Variants in GALNTL6 observed in about 807,000 individuals in gnomAD.
The protein encoded by GALNTL6 is polypeptide N-acetylgalactosaminyltransferase like 6, also known as polypeptide N-acetylgalactosaminyltransferase-like 6.
A neutral mutation model predicts 73.7 loss-of-function variants in GALNTL6; 46 were observed. The ratio of observed to expected loss-of-function variants is 0.62; its 90% CI spans 0.49 to 0.80. The LOEUF (loss-of-function observed/expected upper bound fraction) is 0.80. GALNTL6 is among the 30% of genes least tolerant of loss of function. GALNTL6 has a pLI of 0.00. For synonymous variants in GALNTL6, 259 were observed against 263.7 expected (o/e 0.98, Z 0.17); for missense variants, 604 against 755.0 (o/e 0.80, Z 2.34).
rs150155298 is a variant in GALNTL6 at position 171,949,297 on chromosome 4, A to G, written c.138+134579A>G. ...TTACATAGCAATAACAAGCAAATGT[A>G]TCTTTTTTACCTGGGCTCTTTCTTG... On this transcript the variant is annotated intron_variant, in intron 2 of 12. Coordinates refer to ENST00000506823, the MANE Select transcript of GALNTL6 (RefSeq NM_001034845.3). Among the ~76,000 whole-genome samples the G allele has an allele frequency of 3.9e-4, 59 of 152,318 alleles. No individual in the cohort carries two copies. In the Middle Eastern group the frequency reaches 0.024, roughly 61 times the overall value.
chr4:172,878,263 G>A (rs981553275), intron 7 of GALNTL6, among the ~76,000 whole-genome samples: 11 of 151,780 alleles, frequency 7.2e-5, no homozygotes, highest in African/African-American at 2.7e-4. Flanking sequence ...ACTCAGTTGT[G>A]CATAATACAT....
chr4:172,755,237 T>TATAGATAGATAG (rs58940503), intron 5 of GALNTL6, among the ~76,000 whole-genome samples: 78,712 of 145,328 alleles, frequency 0.54, 21,761 homozygotes, highest in Admixed American at 0.61. Flanking sequence ...AAATGACAGA[T>TATAGATAGATAG]ATAGATAGAT....
At chr4:171,842,349 T>C (rs1331735448) in intron 2 of GALNTL6, among the ~76,000 whole-genome samples, 1 of 152,144 alleles carries the variant, frequency 6.6e-6, no homozygotes, top group African/African-American at 2.4e-5. Flanking sequence ...AAAGATGCAA[T>C]TATACACTTT....
chr4:172,756,361 G>A (rs1414104434), intron 5 of GALNTL6, among the ~76,000 whole-genome samples: 1 of 152,130 alleles, frequency 6.6e-6, no homozygotes, highest in Non-Finnish European at 1.5e-5. Context: ...AATAAGATGG[G>A]GGCTGGGCGC....
intron 5 of GALNTL6, among the ~76,000 whole-genome samples, chr4:172,807,911 C>A (rs1741061532): frequency 6.6e-6 from 1 of 152,192 alleles, no homozygotes; most frequent in African/African-American, 2.4e-5. Context: ...CAACCTCCAC[C>A]TCCCGGGTTC....
intron 5 of GALNTL6, among the ~76,000 whole-genome samples, chr4:172,713,518 A>T (rs1267751930): frequency 1.3e-5 from 2 of 152,116 alleles, no homozygotes; most frequent in African/African-American, 4.8e-5. Flanking sequence ...CTTTACTCAA[A>T]GGCCACTGAT....
At chr4:172,142,074 G>A (rs971450451) in intron 2 of GALNTL6, among the ~76,000 whole-genome samples, 1 of 151,950 alleles carries the variant, frequency 6.6e-6, no homozygotes, top group African/African-American at 2.4e-5. Context: ...AAACTAGAAA[G>A]ATGGATTTTC....
intron 2 of GALNTL6, among the ~76,000 whole-genome samples, chr4:172,063,843 C>T (rs1218108815): frequency 1.3e-5 from 2 of 152,076 alleles, no homozygotes; most frequent in South Asian, 2.1e-4. Context: ...AAAATGCACA[C>T]GATAATGTTC....
chr4:172,717,417 G>A (rs1436812037), intron 5 of GALNTL6, among the ~76,000 whole-genome samples: 1 of 152,198 alleles, frequency 6.6e-6, no homozygotes, highest in Non-Finnish European at 1.5e-5. Flanking sequence ...AGTGGTCAAT[G>A]TGCTAACGCA....
chr4:171,880,769 G>C (rs1035562936), intron 2 of GALNTL6, among the ~76,000 whole-genome samples: 8 of 151,962 alleles, frequency 5.3e-5, no homozygotes, highest in Admixed American at 4.6e-4. Context: ...AAAATGGAGA[G>C]AGCTTCCCCC....
At chr4:172,203,767 G>A (rs1736026069) in intron 2 of GALNTL6, among the ~76,000 whole-genome samples, 1 of 151,872 alleles carries the variant, frequency 6.6e-6, no homozygotes, top group African/African-American at 2.4e-5. Flanking sequence ...TTTTTTCGAG[G>A]TGGAGTTTTG....
At chr4:171,993,742 A>G (rs1740407312) in intron 2 of GALNTL6, among the ~76,000 whole-genome samples, 1 of 151,884 alleles carries the variant, frequency 6.6e-6, no homozygotes, top group Non-Finnish European at 1.5e-5. Context: ...AGTATGAAAG[A>G]AGGCAAAAAG....
intron 10 of GALNTL6, among the ~76,000 whole-genome samples, chr4:172,998,988 TTA>T (rs1491311118): frequency 2.1e-4 from 6 of 28,800 alleles, no homozygotes; most frequent in Admixed American, 6.6e-4. Flanking sequence ...CATTTTAATA[TTA>T]AAAAAAAAAA....
chr4:172,023,835 T>C (rs762232863), intron 2 of GALNTL6, among the ~76,000 whole-genome samples: 1 of 151,878 alleles, frequency 6.6e-6, no homozygotes, highest in Non-Finnish European at 1.5e-5. Flanking sequence ...AATATTATAA[T>C]ACAAATACAT....
intron 5 of GALNTL6, among the ~76,000 whole-genome samples, chr4:172,394,724 G>A (rs996175215): frequency 2.0e-5 from 3 of 151,992 alleles, no homozygotes; most frequent in Non-Finnish European, 4.4e-5. Flanking sequence ...GAGCCACCAC[G>A]CCCGGCCCTT....
intron 2 of GALNTL6, among the ~76,000 whole-genome samples, chr4:171,940,664 A>T (rs1161822701): frequency 2.0e-5 from 3 of 151,676 alleles, no homozygotes; most frequent in African/African-American, 4.8e-5. Flanking sequence ...TCTACTAAAA[A>T]ACTACAAAAA....
At chr4:171,853,794 T>C (rs1735600070) in intron 2 of GALNTL6, among the ~76,000 whole-genome samples, 1 of 151,756 alleles carries the variant, frequency 6.6e-6, no homozygotes, top group Non-Finnish European at 1.5e-5. Context: ...ATATTTTTAG[T>C]AGAGAAAGGG....
intron 2 of GALNTL6, among the ~76,000 whole-genome samples, chr4:171,993,958 G>A (rs7682225): frequency 7.9e-5 from 12 of 151,982 alleles, no homozygotes; most frequent in Non-Finnish European, 7.4e-5. Flanking sequence ...GGGGTTGGAG[G>A]ACAAAATTTT....
intron 2 of GALNTL6, among the ~76,000 whole-genome samples, chr4:172,008,178 C>T (rs1365313965): frequency 6.6e-6 from 1 of 152,152 alleles, no homozygotes; most frequent in African/African-American, 2.4e-5. Context: ...CACACAAACA[C>T]AAATCACAGA....
Sources: gnomAD v4.1 joint callset for allele counts (sites outside exome capture counted in the v4.1 genomes callset) on GRCh38, gnomAD v4.1.1 for gene constraint, MANE v1.5 for transcripts, NCBI Gene and HGNC (gene_info 2026-07-23, HGNC 2026-07-21) for gene names.